SLC49A4: variants seen among roughly 807,000 people sequenced by gnomAD.
SLC49A4 encodes the protein disrupted in renal cancer protein 2.
Under a neutral mutation model 50.6 loss-of-function variants are expected in SLC49A4, and 36 were observed. That is an observed-to-expected ratio of 0.71 (90% CI 0.55 to 0.94). The LOEUF is 0.94. Ranked by LOEUF, SLC49A4 falls within the 40% of genes least tolerant of loss-of-function variation. SLC49A4 has a pLI of 0.00. For missense variants in SLC49A4, 503 were observed against 605.7 expected (o/e 0.83, Z 1.78); for synonymous variants, 248 against 241.2 (o/e 1.03, Z -0.26).
At chr3:122,813,245 A>G (rs1936324110) in intron 2 of SLC49A4, among the ~76,000 whole-genome samples, 2 of 152,024 alleles carry the variant, frequency 1.3e-5, no homozygotes, top group African/African-American at 2.4e-5. Context: ...TGTCTCAAAA[A>G]AAAAAAAAAA....
intron 8 of SLC49A4, among the ~76,000 whole-genome samples, chr3:122,875,044 G>A (rs1937247825): frequency 6.6e-6 from 1 of 152,178 alleles, no homozygotes; most frequent in South Asian, 2.1e-4. Context: ...AATCTATGTT[G>A]AAACTCTTTT....
At chr3:122,806,504 A>T (rs2107556840) in intron 1 of SLC49A4, among the ~76,000 whole-genome samples, 1 of 152,102 alleles carries the variant, frequency 6.6e-6, no homozygotes, top group Non-Finnish European at 1.5e-5. Context: ...CAGCCTCCCG[A>T]GTAGCCGGGA....
Position 122,857,527 on chromosome 3 carries a change from T to C in SLC49A4, c.1010+1153T>C, listed in dbSNP as rs545589862. On this transcript the variant is annotated intron_variant, in intron 6 of 8. Coordinates refer to ENST00000261038, the MANE Select transcript of SLC49A4 (RefSeq NM_032839.3). The stretch of plus-strand genomic sequence containing the variant: ...TCAATATCTAAATACTTGAATATAA[T>C]TGATACAGGATAATGTTATACCTAG... 2.0e-4 allele frequency among the ~76,000 whole-genome samples: 31 copies of C among 152,282 alleles called. No individual in the cohort carries two copies. In the South Asian group the frequency reaches 6.0e-3, roughly 29 times the overall value.
rs968787051 is a variant in SLC49A4, at chr3:122,880,614, T to A, written c.*1236T>A. The A allele has an allele frequency of 5.9e-5, 9 of 152,296 alleles. No individual in the cohort carries two copies. The highest frequency in any genetic ancestry group is 3.3e-4 in the Admixed American group (5 of 15,284). The allele number at this position is 152,296 out of a possible 1,614,324, so 9.4% of individuals were successfully genotyped here. ...AAAGTCAAGAATACTGCTATACCTTTATTATTCTCAGCTTCCTCCAGCCCT... is the reference window on the plus strand; with the variant it reads ...AAAGTCAAGAATACTGCTATACCTTAATTATTCTCAGCTTCCTCCAGCCCT... On this transcript the variant is annotated 3_prime_UTR_variant, in exon 9 of 9. Coordinates refer to ENST00000261038, the MANE Select transcript of SLC49A4 (RefSeq NM_032839.3).
chr3:122,871,119 T>G (rs752921445), intron 7 of SLC49A4, among the ~76,000 whole-genome samples: 5 of 152,194 alleles, frequency 3.3e-5, no homozygotes, highest in Admixed American at 6.5e-5. Context: ...GGTCACTGCC[T>G]TAGCCAGCAG....
At chr3:122,855,940 G>T (rs1289944654) in intron 5 of SLC49A4, among the ~76,000 whole-genome samples, 3 of 152,060 alleles carry the variant, frequency 2.0e-5, no homozygotes, top group African/African-American at 7.2e-5. Flanking sequence ...TACATTTTTA[G>T]TTGTTGCCCC....
chr3:122,814,942 G>A (rs909205018), intron 2 of SLC49A4, among the ~76,000 whole-genome samples: 2 of 152,146 alleles, frequency 1.3e-5, no homozygotes, highest in Non-Finnish European at 2.9e-5. Context: ...TTCAGGGGAA[G>A]TAGGCAGCTT....
rs1216709468 is a variant in SLC49A4, at chr3:122,879,246, G to A, written c.1322-17G>A. On this transcript the variant is annotated splice_polypyrimidine_tract_variant and intron_variant, in intron 8 of 8. Transcript: ENST00000261038. ...GATACATGAATGTTTAAAACTGCAT[G>A]TTTTTTTGTCTTACAGAGTTGTCTT... The A allele has an allele frequency of 1.7e-5, 27 of 1,590,294 alleles. No homozygotes were observed. In the Admixed American group the frequency reaches 4.3e-4, roughly 26 times the overall value.
rs755865999 is a variant in SLC49A4, at chr3:122,833,383, C to T, written c.770C>T (p.Pro257Leu). 9 of 1,613,684 alleles carry T rather than the reference C, an allele frequency of 5.6e-6. No individual in the cohort carries two copies. In the Admixed American group the frequency reaches 1.5e-4, roughly 27 times the overall value. The change falls in exon 4 of 9, where the codon CCT becomes CTT. Residue 257 changes from proline to leucine, a missense_variant. Transcript: ENST00000261038. The stretch of plus-strand genomic sequence containing the variant: ...TATTTCCCACCCCGACCTCCTCTTC[C>T]TCCCAGTGTTGCTGCAGCTAGCCAG... Reference protein sequence around the residue: ...LAYFPPRPPLPPSVAAASQRL... With the variant: ...LAYFPPRPPLLPSVAAASQRL...
In SLC49A4 at chr3:122,860,333, A is replaced by C. The variant is rs1245099215; in HGVS notation, c.1138+131A>C. On this transcript the variant is annotated intron_variant, in intron 7 of 8. Transcript: ENST00000261038. ...ATATACAAAAAAGTTTCTCTTGTCC[A>C]GTCATCAAACCATCATCTTATCTAA... The C allele has an allele frequency of 6.9e-6, 6 of 871,470 alleles. No homozygotes were observed. In the African/African-American group the frequency reaches 1.1e-4, roughly 15 times the overall value. The allele number at this position is 871,470 out of a possible 1,614,324, so 54.0% of individuals were successfully genotyped here.
chr3:122,805,137 G>C (rs1035838850), intron 1 of SLC49A4, among the ~76,000 whole-genome samples: 1 of 152,122 alleles, frequency 6.6e-6, no homozygotes, highest in Admixed American at 6.6e-5. Flanking sequence ...TTATGACCAT[G>C]TATGTACGTT....
At chr3:122,803,815 T>C (rs1936170893) in intron 1 of SLC49A4, among the ~76,000 whole-genome samples, 1 of 152,210 alleles carries the variant, frequency 6.6e-6, no homozygotes, top group East Asian at 1.9e-4. Flanking sequence ...CAAAAGGAGT[T>C]ATCACATCTG....
At chr3:122,851,161 A>T (rs777548034) in intron 5 of SLC49A4, among the ~76,000 whole-genome samples, 1 of 152,194 alleles carries the variant, frequency 6.6e-6, no homozygotes, top group African/African-American at 2.4e-5. Flanking sequence ...TGCACAAGAC[A>T]TTATTGTTTA....
intron 3 of SLC49A4, among the ~76,000 whole-genome samples, chr3:122,830,946 G>T (rs143253070): frequency 6.6e-6 from 1 of 152,134 alleles, no homozygotes; most frequent in East Asian, 1.9e-4. Context: ...GAAAGACAAC[G>T]CCATTAAGAA....
At chr3:122,859,208 G>A (rs974124646) in intron 6 of SLC49A4, among the ~76,000 whole-genome samples, 14 of 152,270 alleles carry the variant, frequency 9.2e-5, no homozygotes, top group African/African-American at 2.9e-4. Context: ...AGTAAGACGT[G>A]AAGATCCGGG....
chr3:122,802,109 C>G lies in SLC49A4; in HGVS notation c.344-4748C>G, dbSNP rs555364244. Among the ~76,000 whole-genome samples the G allele has an allele frequency of 3.3e-5, 5 of 152,154 alleles. No homozygotes were observed. In the East Asian group the frequency reaches 9.7e-4, roughly 29 times the overall value. ...GGAGGATCACTTCAGGCCAGGAGTT[C>G]AAGACCAGCCTGGGCAACATCGTGA... is the stretch of plus-strand genomic sequence containing the variant. On this transcript the variant is annotated intron_variant, in intron 1 of 8. Coordinates refer to ENST00000261038, the MANE Select transcript of SLC49A4 (RefSeq NM_032839.3).
chr3:122,811,129 CA>C (rs1353502934), intron 2 of SLC49A4, among the ~76,000 whole-genome samples: 2 of 151,976 alleles, frequency 1.3e-5, no homozygotes, highest in Non-Finnish European at 2.9e-5. Flanking sequence ...AAAACAAAGT[CA>C]AAAGATGAGT....
intron 4 of SLC49A4, among the ~76,000 whole-genome samples, chr3:122,838,791 A>G (rs1382634461): frequency 6.6e-6 from 1 of 152,166 alleles, no homozygotes; most frequent in Non-Finnish European, 1.5e-5. Context: ...AAGAATCAAT[A>G]TTGTGAAAAT....
chr3:122,869,243 C>G (rs1260353234), intron 7 of SLC49A4, among the ~76,000 whole-genome samples: 1 of 152,036 alleles, frequency 6.6e-6, no homozygotes, highest in African/African-American at 2.4e-5. Context: ...GTTTTCCTCT[C>G]TAAAGGCAAA....
Sources: gnomAD v4.1 joint callset for allele counts (sites outside exome capture counted in the v4.1 genomes callset) on GRCh38, gnomAD v4.1.1 for gene constraint, MANE v1.5 for transcripts, NCBI Gene and HGNC (gene_info 2026-07-23, HGNC 2026-07-21) for gene names.